Variants in ST6GAL2 observed in about 807,000 individuals in gnomAD.
ST6GAL2 encodes beta-galactoside alpha-2,6-sialyltransferase 2.
Under a neutral mutation model 37.5 loss-of-function variants are expected in ST6GAL2, and 24 were observed. The observed-to-expected ratio is 0.64, with a 90% CI of 0.46 to 0.90. The LOEUF is 0.90. Ranked by LOEUF, ST6GAL2 falls within the 40% of genes least tolerant of loss-of-function variation. ST6GAL2 has a pLI of 0.00. For missense variants in ST6GAL2, 715 were observed against 712.7 expected, an observed-to-expected ratio of 1.00 and a Z score of -0.04; for synonymous variants, 306 against 295.1, an observed-to-expected ratio of 1.04 and a Z score of -0.38.
intron 1 of ST6GAL2, among the ~76,000 whole-genome samples, chr2:106,865,148 A>G (rs1301987709): frequency 6.6e-6 from 1 of 152,200 alleles, no homozygotes; most frequent in Non-Finnish European, 1.5e-5. Context: ...TAAATTGCAA[A>G]ATGAAATAAA....
chr2:106,866,076 A>T (rs1678014066), intron 1 of ST6GAL2, among the ~76,000 whole-genome samples: 1 of 152,314 alleles, frequency 6.6e-6, no homozygotes, highest in African/African-American at 2.4e-5. Flanking sequence ...AGGTACCAAG[A>T]ATATTAGTAA....
chr2:106,846,074 C>T (rs964905621), intron 1 of ST6GAL2, among the ~76,000 whole-genome samples: 1 of 151,746 alleles, frequency 6.6e-6, no homozygotes, highest in South Asian at 2.1e-4. Flanking sequence ...AGCCCAGGCA[C>T]CAAATGTGAA....
chr2:106,868,026 C>T (rs1678108555), intron 1 of ST6GAL2, among the ~76,000 whole-genome samples: 1 of 152,194 alleles, frequency 6.6e-6, no homozygotes, highest in African/African-American at 2.4e-5. Context: ...ATGCCACTTA[C>T]GCTGCTTAAG....
In ST6GAL2 at chr2:106,834,257, A is replaced by G. The variant is rs938585495; in HGVS notation, c.944-111T>C. 1.3e-4 allele frequency: 92 copies of G among 713,762 alleles called. No individual in the cohort carries two copies. The African/African-American group carries it at 1.5e-3, about 12-fold the overall frequency. The allele number at this position is 713,762 out of a possible 1,614,324, so 44.2% of individuals were successfully genotyped here. Reference sequence around the variant, plus strand: ...ACCTGAAGCTAATTATACATCACCAATAAAGTTAAGATATGCCCACATGAT... The same window carrying G: ...ACCTGAAGCTAATTATACATCACCAGTAAAGTTAAGATATGCCCACATGAT... On this transcript the variant is annotated intron_variant, in intron 2 of 5. Coordinates refer to ENST00000409382, the MANE Select transcript of ST6GAL2 (RefSeq NM_001142351.2).
chr2:106,877,452 G>A (rs1028529605), intron 1 of ST6GAL2, among the ~76,000 whole-genome samples: 14 of 152,220 alleles, frequency 9.2e-5, no homozygotes, highest in South Asian at 4.1e-4. Context: ...TCGCCCAAGC[G>A]TCTGAACACA....
At chr2:106,875,553 A>G (rs984480380) in intron 1 of ST6GAL2, among the ~76,000 whole-genome samples, 1 of 152,236 alleles carries the variant, frequency 6.6e-6, no homozygotes, top group Non-Finnish European at 1.5e-5. Flanking sequence ...GCTGGTCAGC[A>G]CACTCCAAGT....
intron 5 of ST6GAL2, among the ~76,000 whole-genome samples, chr2:106,823,476 CACACACACACAGAGAG>C (rs1454680691): frequency 1.1e-5 from 1 of 89,936 alleles, no homozygotes; most frequent in African/African-American, 4.4e-5. Context: ...CACACACACA[CACACACACACAGAGAG>C]AGAGAGAGAG....
intron 1 of ST6GAL2, among the ~76,000 whole-genome samples, chr2:106,854,271 C>G (rs958645382): frequency 6.6e-6 from 1 of 152,194 alleles, no homozygotes; most frequent in African/African-American, 2.4e-5. Context: ...CTGTTGGCAC[C>G]TGCATAATTT....
chr2:106,817,431 G>T (rs1274844645), intron 5 of ST6GAL2, among the ~76,000 whole-genome samples: 2 of 152,154 alleles, frequency 1.3e-5, no homozygotes, highest in Non-Finnish European at 1.5e-5. Flanking sequence ...CCCATTCCAG[G>T]CCCTAGCTCC....
intron 1 of ST6GAL2, among the ~76,000 whole-genome samples, chr2:106,884,906 CAT>C (rs772381082): frequency 0.039 from 3,014 of 76,436 alleles, 77 homozygotes; most frequent in Middle Eastern, 0.11. Flanking sequence ...ATTTGCAGCG[CAT>C]ATATATATAT....
At chr2:106,818,985 A>T (rs1573214673) in intron 5 of ST6GAL2, among the ~76,000 whole-genome samples, 1 of 152,160 alleles carries the variant, frequency 6.6e-6, no homozygotes, top group East Asian at 1.9e-4. Context: ...TAGCAAAATT[A>T]TTCAAGCAGA....
In ST6GAL2 at chr2:106,843,375, C is replaced by T. The variant is rs145400666; in HGVS notation, c.603G>A (p.Arg201=). ...CCTTCCAGAGCCGGTACAGGAAGGC[C>T]CTGGACATGGAGGAGTACAGCCTGT... The part of the protein sequence containing the change: ...DGDRLYSSMS[R]AFLYRLWKGN... The change falls in exon 2 of 6, where the codon AGG becomes AGA. Residue 201 remains arginine (R), a synonymous_variant. Coordinates refer to ENST00000409382, the MANE Select transcript of ST6GAL2 (RefSeq NM_001142351.2). 80 of 1,614,132 alleles carry T rather than the reference C, an allele frequency of 5.0e-5. No homozygotes were observed. In the African/African-American group the frequency reaches 9.9e-4, roughly 20 times the overall value.
Position 106,843,276 on chromosome 2 carries a change from G to T in ST6GAL2, c.702C>A (p.His234Gln), listed in dbSNP as rs1166420396. Reference sequence around the variant, plus strand: ...CCCGCTTCCCGCGGAAGCGCACCCCGTGCTTGTTGGCGGTCAGGTAATCCT... The same window carrying T: ...CCCGCTTCCCGCGGAAGCGCACCCCTTGCTTGTTGGCGGTCAGGTAATCCT... The part of the protein sequence containing the change: ...AMKDYLTANK[H>Q]GVRFRGKREA... The change falls in exon 2 of 6, where the codon CAC (histidine) becomes CAA (glutamine). Residue 234 changes from histidine (H) to glutamine (Q), a missense_variant. Around this residue, in one of 3 missense-constraint regions of ST6GAL2, gnomAD observed 512 missense variants for 488.8 expected, o/e 1.05. Coordinates refer to ENST00000409382, the MANE Select transcript of ST6GAL2 (RefSeq NM_001142351.2). The T allele has an allele frequency of 1.9e-6, 3 of 1,609,132 alleles. No individual in the cohort carries two copies. The African/African-American group carries it at 4.0e-5, about 21-fold the overall frequency.
chr2:106,817,287 A>T (rs2104431558), intron 5 of ST6GAL2, among the ~76,000 whole-genome samples: 1 of 152,356 alleles, frequency 6.6e-6, no homozygotes, highest in African/African-American at 2.4e-5. Flanking sequence ...CAGGCAGCAC[A>T]GGCTGCACCT....
intron 2 of ST6GAL2, among the ~76,000 whole-genome samples, chr2:106,841,573 G>A (rs1449784790): frequency 6.6e-6 from 1 of 152,214 alleles, no homozygotes; most frequent in Non-Finnish European, 1.5e-5. Context: ...TGGTCTAGCA[G>A]TGGAATTAGC....
Position 106,843,959 on chromosome 2 carries a change from G to C in ST6GAL2, c.19C>G (p.Gln7Glu). 2 of 1,580,038 alleles carry C rather than the reference G, an allele frequency of 1.3e-6. No individual in the cohort carries two copies. The highest frequency in any genetic ancestry group is 2.7e-5 in the African/African-American group (2 of 74,536). ...CCGAAAAGCATTCGTTGTCTCCATT[G>C]CTTCAAGTGTGGTTTCATGGCAGGT... MKPHLK[Q>E]WRQRMLFGIF... is the part of the protein sequence containing the mutation. Residue 7 changes from glutamine (Q) to glutamate (E), a missense_variant, in exon 2 of 6, where the codon CAA (glutamine) becomes GAA (glutamate). Gln to Glu is a conservative substitution (Grantham distance 29). Coordinates refer to ENST00000409382, the MANE Select transcript of ST6GAL2 (RefSeq NM_001142351.2).
chr2:106,809,468 T>G (rs1675532663), intron 5 of ST6GAL2, among the ~76,000 whole-genome samples: 1 of 152,224 alleles, frequency 6.6e-6, no homozygotes, highest in Non-Finnish European at 1.5e-5. Context: ...GTTGGAGTTG[T>G]GACCTTTGCA....
chr2:106,819,627 C>A (rs1438100812), intron 5 of ST6GAL2, among the ~76,000 whole-genome samples: 1 of 151,916 alleles, frequency 6.6e-6, no homozygotes, highest in Non-Finnish European at 1.5e-5. Context: ...ATTCTTCAAT[C>A]TGAAAGAAAA....
chr2:106,802,677 C>T lies in ST6GAL2; in HGVS notation c.*4001G>A, dbSNP rs1482259781. 6.6e-6 allele frequency: 1 copy of T among 152,160 alleles called. No individual in the cohort carries two copies. The highest frequency in any genetic ancestry group is 1.5e-5 in the Non-Finnish European group (1 of 68,026). The allele number at this position is 152,160 out of a possible 1,614,324, so 9.4% of individuals were successfully genotyped here. A position where few individuals can be genotyped will look rare whatever the true frequency, so the allele number is the denominator to read the frequency against. On this transcript the variant is annotated 3_prime_UTR_variant, in exon 6 of 6. Transcript: ENST00000409382. ...TCCAGATGGAGTTGCCTTGATCAGT[C>T]ATGTAACCACTGGGTAAGAGTTCTA...
Sources: allele counts gnomAD v4.1 joint callset (sites outside exome capture counted in the v4.1 genomes callset), GRCh38; gene constraint gnomAD v4.1.1; regional missense constraint gnomAD v4.1.1; transcripts MANE v1.5; gene names NCBI Gene and HGNC (gene_info 2026-07-23, HGNC 2026-07-21).